PRODH2: variants seen among roughly 807,000 people sequenced by gnomAD.
The protein encoded by PRODH2 is hydroxyproline dehydrogenase.
PRODH2 carries 49 observed loss-of-function variants against 51.9 expected under a neutral mutation model. The observed-to-expected ratio is 0.94, with a 90% CI of 0.75 to 1.20. The LOEUF is 1.20. Among genes scored for constraint, PRODH2 ranks in the 50% most tolerant of loss-of-function variants. PRODH2 has a pLI of 0.00. For synonymous variants in PRODH2, 249 were observed against 260.7 expected, an observed-to-expected ratio of 0.96 and a Z score of 0.43; for missense variants, 597 against 610.9, an observed-to-expected ratio of 0.98 and a Z score of 0.24.
intron 4 of PRODH2, among the ~76,000 whole-genome samples, chr19:35,808,546 C>T (rs1022818059): frequency 8.6e-5 from 13 of 152,016 alleles, no homozygotes; most frequent in African/African-American, 2.2e-4. Context: ...TGACTTGGGG[C>T]GTAGTCTTAG....
intron 4 of PRODH2, among the ~76,000 whole-genome samples, chr19:35,809,435 T>G (rs1172465330): frequency 6.6e-6 from 1 of 152,072 alleles, no homozygotes; most frequent in African/African-American, 2.4e-5. Flanking sequence ...CCCAGGCAGG[T>G]CTCAAACTCC....
rs3042738 is a variant in PRODH2, at chr19:35,809,096, CTTTA to C, written c.598-1979_598-1976del. Among the ~76,000 whole-genome samples, 1,411 of 150,300 alleles carry C rather than the reference CTTTA, an allele frequency of 9.4e-3. 22 individuals carry two copies. The highest frequency in any genetic ancestry group is 0.033 in the African/African-American group (1,337 of 40,700). Reference sequence around the variant, plus strand: ...GCACCTGGCCCTTTTTTCTTTCTTTCTTTATTTCTTTCTTCCTTCCTTCCTTCCT... The same window carrying C: ...GCACCTGGCCCTTTTTTCTTTCTTTCTTTCTTTCTTCCTTCCTTCCTTCCT... On this transcript the variant is annotated intron_variant, in intron 4 of 9. Coordinates refer to ENST00000653904, the MANE Select transcript of PRODH2 (RefSeq NM_021232.2).
chr19:35,802,066 A>C lies in PRODH2; in HGVS notation c.1198+125T>G. On this transcript the variant is annotated intron_variant, in intron 9 of 9. Coordinates refer to ENST00000653904, the MANE Select transcript of PRODH2 (RefSeq NM_021232.2). Reference sequence around the variant, plus strand: ...ACACAGCCTTGGAAGGCCCACAGACACTGGAATGACAGATCTCTCTGGAAG... The same window carrying C: ...ACACAGCCTTGGAAGGCCCACAGACCCTGGAATGACAGATCTCTCTGGAAG... 3.5e-6 allele frequency: 3 copies of C among 847,634 alleles called. No homozygotes were observed. In the Admixed American group the frequency reaches 5.6e-5, roughly 16 times the overall value. The allele number at this position is 847,634 out of a possible 1,614,324, so 52.5% of individuals were successfully genotyped here.
Position 35,803,063 on chromosome 19 carries a change from C to T in PRODH2, c.1017G>A (p.Leu339=). 2 of 1,544,912 alleles carry T rather than the reference C, an allele frequency of 1.3e-6. No homozygotes were observed. The highest frequency in any genetic ancestry group is 1.2e-5 in the South Asian group (1 of 83,608). ...EATSQSYSRC[L]ELMLTHVARH... ...GGGCCACGTGCGTCAGCATCAGTTC[C>T]AGGCAGCGGCTGTAACTGAAGGGAG... is the stretch of plus-strand genomic sequence containing the variant. Residue 339 remains leucine, a synonymous_variant, in exon 8 of 10, where the codon CTG becomes CTA. Coordinates refer to ENST00000653904, the MANE Select transcript of PRODH2 (RefSeq NM_021232.2).
chr19:35,800,273 A>T lies in PRODH2; in HGVS notation c.1199-51T>A, dbSNP rs577902571. ...TTCGTTTTTGGTGTTTTTCTGAGAC[A>T]GAGTCTCGCTCTGTTGCCCAGGCTG... On this transcript the variant is annotated intron_variant, in intron 9 of 9. Coordinates refer to ENST00000653904, the MANE Select transcript of PRODH2 (RefSeq NM_021232.2). 4.3e-5 allele frequency: 63 copies of T among 1,468,830 alleles called. No homozygotes were observed. In the South Asian group the frequency reaches 7.9e-4, roughly 18 times the overall value. 91.0% of individuals were successfully genotyped at this position (1,468,830 alleles called of 1,614,324 possible). A position where few individuals can be genotyped will look rare whatever the true frequency, so the allele number is the denominator to read the frequency against.
intron 4 of PRODH2, among the ~76,000 whole-genome samples, chr19:35,809,558 C>G (rs927988083): frequency 6.6e-6 from 1 of 152,114 alleles, no homozygotes; most frequent in Non-Finnish European, 1.5e-5. Flanking sequence ...CTGTCACTCT[C>G]CCTACAGGAA....
intron 9 of PRODH2, among the ~76,000 whole-genome samples, chr19:35,801,134 T>C (rs1972419605): frequency 6.6e-6 from 1 of 151,902 alleles, no homozygotes; most frequent in Non-Finnish European, 1.5e-5. Context: ...GCCACTGCAC[T>C]CAAGTCTGGG....
In PRODH2 at chr19:35,802,961, C is replaced by A; in HGVS notation, c.1112+7G>T. On this transcript the variant is annotated splice_region_variant and intron_variant, in intron 8 of 9. Transcript: ENST00000653904. ...ACCTATTTCCCGCCCATCCCTCCAC[C>A]TCATACCGCTTGGTTGCCTGGCGAA... 1 of 1,539,040 alleles carries A rather than the reference C, an allele frequency of 6.5e-7. No homozygotes were observed. Among genetic ancestry groups the A allele is most frequent in the Non-Finnish European group, 8.8e-7 (1 of 1,133,262 alleles).
chr19:35,812,710 C>A lies in PRODH2; in HGVS notation c.96G>T (p.Lys32Asn). The A allele has an allele frequency of 6.2e-7, 1 of 1,611,704 alleles. No individual in the cohort carries two copies. Among genetic ancestry groups the A allele is most frequent in the Non-Finnish European group, 8.5e-7 (1 of 1,178,504 alleles). ...LSFDGGAFHL[K>N]GTGELTRALL... The stretch of plus-strand genomic sequence containing the variant: ...AGGCCCGTGTCAGCTCTCCTGTGCC[C>A]TTAAGGTGGAAGGCCCCGCCATCAA... The change falls in exon 1 of 10, where the codon AAG (lysine) becomes AAT (asparagine). Residue 32 changes from lysine (K) to asparagine (N), a missense_variant. Physicochemically the swap from Lys to Asn is moderately conservative, Grantham distance 94. Transcript: ENST00000653904.
Position 35,806,515 on chromosome 19 carries a change from C to T in PRODH2, c.916G>A (p.Ala306Thr), listed in dbSNP as rs376412960. The stretch of plus-strand genomic sequence containing the variant: ...ACCGCTCTCTCCTTGTCCAGATATG[C>T]ACCTCGTACCAGCTTCACTCCGAAG... ...LAFGVKLVRG[A>T]YLDKERAVAQ... Residue 306 changes from alanine to threonine, a missense_variant, in exon 7 of 10, where the codon GCA (alanine) becomes ACA (threonine). Physicochemically the swap from Ala to Thr is moderately conservative, Grantham distance 58. Transcript: ENST00000653904. 152 of 1,614,192 alleles carry T rather than the reference C, an allele frequency of 9.4e-5. 1 individual carries two copies. The South Asian group carries it at 1.5e-3, about 16-fold the overall frequency.
rs766129456 is a variant in PRODH2 at position 35,812,061 on chromosome 19, G to A, written c.511-13C>T. The A allele has an allele frequency of 3.1e-6, 5 of 1,613,990 alleles. No homozygotes were observed. Among genetic ancestry groups the A allele is most frequent in the Non-Finnish European group, 4.2e-6 (5 of 1,179,966 alleles). On this transcript the variant is annotated splice_polypyrimidine_tract_variant and intron_variant, in intron 3 of 9. Transcript: ENST00000653904. The stretch of plus-strand genomic sequence containing the variant: ...AGGCTAGCTCCTTCTGAAATGGGGT[G>A]GTAGGCGGGGTGGTGAGGGGAGCCC...
rs1175392997 is a variant in PRODH2, at chr19:35,809,958, CAAAAAAAAAAA to C, written c.597+1993_597+2003del. The stretch of plus-strand genomic sequence containing the variant: ...TGGGCAACAGAGCCAGATGCCGCTT[CAAAAAAAAAAA>C]AAAAAAAAAAAAAAAACGCTGGGCG... On this transcript the variant is annotated intron_variant, in intron 4 of 9. Transcript: ENST00000653904. Among the ~76,000 whole-genome samples the C allele has an allele frequency of 3.1e-3, 40 of 12,822 alleles. 1 individual carries two copies. The highest frequency in any genetic ancestry group is 0.17 in the Middle Eastern group (1 of 6). 8.4% of individuals were successfully genotyped at this position (12,822 alleles called of 152,430 possible).
chr19:35,806,694 G>A lies in PRODH2; in HGVS notation c.815C>T (p.Thr272Ile). The A allele has an allele frequency of 6.2e-7, 1 of 1,614,182 alleles. No individual in the cohort carries two copies. Among genetic ancestry groups the A allele is most frequent in the Non-Finnish European group, 8.5e-7 (1 of 1,180,018 alleles). The change falls in exon 6 of 10, where the codon ACC becomes ATC. Residue 272 changes from threonine (T) to isoleucine (I), a missense_variant. Thr to Ile is a moderately conservative substitution (Grantham distance 89). Transcript: ENST00000653904. ...GCACACCTTTAGACAGGCCTGGTAG[G>A]TGTTCCACACCCAGGGCCCGCCTTC... ...PGEGGPWVWN[T>I]YQACLKDTFE... is the part of the protein sequence containing the mutation.
In PRODH2 at chr19:35,807,072, G is replaced by A. The variant is rs1972526260; in HGVS notation, c.647C>T (p.Ala216Val). ...CACCCGATGCAGGCGGCTGAGGGAG[G>A]CCCGGAGGTGCTGGTTCTGCTCAGC... The part of the protein sequence containing the change: ...LNAEQNQHLR[A>V]SLSRLHRVAQ... Residue 216 changes from alanine (A) to valine (V), a missense_variant, in exon 5 of 10, where the codon GCC (alanine) becomes GTC (valine). Ala to Val is a moderately conservative substitution (Grantham distance 64, BLOSUM62 0). Coordinates refer to ENST00000653904, the MANE Select transcript of PRODH2 (RefSeq NM_021232.2). 1 of 1,552,428 alleles carries A rather than the reference G, an allele frequency of 6.4e-7. No individual in the cohort carries two copies. Among genetic ancestry groups the A allele is most frequent in the South Asian group, 1.2e-5 (1 of 84,132 alleles).
At chr19:35,807,636 C>T (rs1232106452) in intron 4 of PRODH2, among the ~76,000 whole-genome samples, 1 of 152,276 alleles carries the variant, frequency 6.6e-6, no homozygotes, top group Admixed American at 6.5e-5. Context: ...AGGGCACCTT[C>T]CCACCTCCAG....
chr19:35,806,901 G>T (rs757061937), intron 5 of PRODH2, 71 bp from the exon 6 acceptor site: 5 of 1,550,980 alleles, frequency 3.2e-6, no homozygotes, highest in Non-Finnish European at 4.4e-6. Context: ...ATCCCAGCAG[G>T]AGGGGTTACC....
At chr19:35,810,465 G>A (rs1972591194) in intron 4 of PRODH2, among the ~76,000 whole-genome samples, 1 of 151,792 alleles carries the variant, frequency 6.6e-6, no homozygotes, top group Non-Finnish European at 1.5e-5. Context: ...AACAGTGGGG[G>A]CCGGGCATGG....
chr19:35,808,808 CCTT>C (rs1187859191), intron 4 of PRODH2, among the ~76,000 whole-genome samples: 1 of 134,222 alleles, frequency 7.5e-6, no homozygotes, highest in African/African-American at 2.7e-5. Context: ...TTCCTTCCTT[CCTT>C]CTTTTTTTTT....
In PRODH2 at chr19:35,802,168, G is replaced by A. The variant is rs768640538; in HGVS notation, c.1198+23C>T. On this transcript the variant is annotated intron_variant, in intron 9 of 9. Coordinates refer to ENST00000653904, the MANE Select transcript of PRODH2 (RefSeq NM_021232.2). The stretch of plus-strand genomic sequence containing the variant: ...GGGAGTAAGGCCTGGGGCTTGATGG[G>A]GGTGGGGGAGCCATTCACATACCCA... The A allele has an allele frequency of 4.4e-5, 71 of 1,609,082 alleles. 2 individuals are homozygous for A. The South Asian group carries it at 7.5e-4, about 17-fold the overall frequency.
Sources: gnomAD v4.1 joint callset for allele counts (sites outside exome capture counted in the v4.1 genomes callset) on GRCh38, gnomAD v4.1.1 for gene constraint, MANE v1.5 for transcripts, NCBI Gene and HGNC (gene_info 2026-07-23, HGNC 2026-07-21) for gene names.